Variants in MESD observed in about 807,000 individuals in gnomAD.
The protein encoded by MESD is LRP chaperone MESD.
MESD carries 7 observed loss-of-function variants against 12.9 expected under a neutral mutation model. That is an observed-to-expected ratio of 0.54 (90% CI 0.31 to 1.02). The LOEUF is 1.02. Ranked by LOEUF, MESD falls within the 50% of genes least tolerant of loss-of-function variation. The pLI, the probability that MESD is intolerant of heterozygous loss-of-function variation, is 0.05. For missense variants in MESD, 342 were observed against 296.7 expected (o/e 1.15, Z -1.12); for synonymous variants, 126 against 115.6 (o/e 1.09, Z -0.58).
rs569260846 is a variant in MESD, at chr15:80,956,114, T to C, written c.*289-3818A>G. Among the ~76,000 whole-genome samples, 485 of 152,100 alleles carry C rather than the reference T, an allele frequency of 3.2e-3. 3 individuals are homozygous for C. The highest frequency in any genetic ancestry group is 0.011 in the African/African-American group (458 of 41,490). ...CTGAGGTGGGAGGATCACTTGAGCC[T>C]GGAAGGTAGAGTCTGTGGTGAGCCG... On this transcript the variant is annotated intron_variant, in intron 3 of 4. Coordinates refer to the MESD transcript ENST00000561312.
intron 3 of MESD, among the ~76,000 whole-genome samples, chr15:80,964,630 G>T (rs1020783040): frequency 1.3e-5 from 2 of 152,146 alleles, no homozygotes; most frequent in Non-Finnish European, 2.9e-5. Flanking sequence ...ATAAACCAAT[G>T]AAACAGAACA....
chr15:80,955,638 T>A lies in MESD; in HGVS notation c.*289-3342A>T, dbSNP rs866767783. On this transcript the variant is annotated intron_variant, in intron 3 of 4. Transcript: ENST00000561312. ...GTGCGTGTGTGTGTGTGTGTGTGTG[T>A]GAGAGAGACAGAGTCTCTTTAGCCC... Among the ~76,000 whole-genome samples, 1,278 of 150,384 alleles carry A rather than the reference T, an allele frequency of 8.5e-3. 20 individuals carry two copies. The highest frequency in any genetic ancestry group is 0.029 in the African/African-American group (1,197 of 40,662).
downstream of MESD, among the ~76,000 whole-genome samples, chr15:80,974,727 G>C (rs920895008): frequency 6.8e-6 from 1 of 146,238 alleles, no homozygotes; most frequent in Non-Finnish European, 1.5e-5. Flanking sequence ...GCATGCTCTA[G>C]AAGGATTAAG....
chr15:80,958,022 T>C (rs79955984), intron 3 of MESD, among the ~76,000 whole-genome samples: 2,940 of 152,284 alleles, frequency 0.019, 103 homozygotes, highest in African/African-American at 0.067. Context: ...GTCAAGTGGA[T>C]ACATAAAATT....
chr15:80,947,114 A>C (rs1354494491), downstream of MESD: 2 of 1,220,230 alleles, frequency 1.6e-6, no homozygotes, highest in Admixed American at 3.5e-5. Context: ...CAGAGAAGGC[A>C]AATGCCTGGC....
At chr15:80,952,894 C>T (rs1901876730) in intron 3 of MESD, 1 of 450,852 alleles carries the variant, frequency 2.2e-6, no homozygotes, top group Admixed American at 2.4e-5. Context: ...GCACGGTGCA[C>T]ACAGAGGAAC....
At chr15:80,986,767 G>A (rs1902745397) in intron 1 of MESD, among the ~76,000 whole-genome samples, 1 of 152,186 alleles carries the variant, frequency 6.6e-6, no homozygotes, top group Non-Finnish European at 1.5e-5. Context: ...TGGCTTTAGA[G>A]CTCCTTCATT....
intron 3 of MESD, among the ~76,000 whole-genome samples, chr15:80,959,724 G>T (rs1434661771): frequency 1.3e-5 from 2 of 152,162 alleles, no homozygotes; most frequent in African/African-American, 4.8e-5. Flanking sequence ...GAGCCAGCAG[G>T]AATAGGAAGA....
At chr15:80,983,818 A>G (rs1363325805) in intron 1 of MESD, among the ~76,000 whole-genome samples, 1 of 151,898 alleles carries the variant, frequency 6.6e-6, no homozygotes, top group East Asian at 1.9e-4. Context: ...TATGACTTAC[A>G]ACCCCTCAAA....
At chr15:80,949,088 C>T in intron 4 of MESD, 1 of 870,840 alleles carries the variant, frequency 1.1e-6, no homozygotes, top group South Asian at 1.4e-5. Context: ...GACCCTGGTG[C>T]TGCCACCTGC....
intron 3 of MESD, among the ~76,000 whole-genome samples, chr15:80,953,356 G>A (rs574766759): frequency 4.6e-5 from 7 of 152,304 alleles, no homozygotes; most frequent in East Asian, 1.9e-4. Flanking sequence ...ACGAGGAACC[G>A]TCGAGCAATG....
At chr15:80,973,709 C>T (rs1474122802), downstream of MESD, among the ~76,000 whole-genome samples, 4 of 152,138 alleles carry the variant, frequency 2.6e-5, no homozygotes, top group Admixed American at 1.3e-4. Context: ...TTCACCCCCT[C>T]GACAGATCCT....
chr15:80,946,885 C>A, downstream of MESD: 1 of 937,914 alleles, frequency 1.1e-6, no homozygotes. Context: ...TCCCACCATG[C>A]ACAAACCAAC....
chr15:80,985,280 A>G lies in MESD; in HGVS notation c.214-3098T>C, dbSNP rs147495195. ...AAATAACTTTCCTTACCTATAATGG[A>G]AAGCTGAGGGTAATAACAGCTTCTC... is the stretch of plus-strand genomic sequence containing the variant. On this transcript the variant is annotated intron_variant, in intron 1 of 2. Transcript: ENST00000261758. Among the ~76,000 whole-genome samples the G allele has an allele frequency of 2.1e-3, 325 of 152,324 alleles. 1 individual carries two copies. The highest frequency in any genetic ancestry group is 7.2e-3 in the African/African-American group (301 of 41,572).
At chr15:80,965,554 A>T (rs1902160883) in intron 3 of MESD, among the ~76,000 whole-genome samples, 3 of 152,238 alleles carry the variant, frequency 2.0e-5, no homozygotes, top group Admixed American at 2.0e-4. Context: ...GAACCAACCC[A>T]AATGTCCATC....
chr15:80,989,427 T>A, intron 1 of MESD, 152 bp downstream of exon 1: 1 of 919,110 alleles, frequency 1.1e-6, no homozygotes, highest in Non-Finnish European at 1.6e-6. Flanking sequence ...GAATGGAGGG[T>A]CAACAGTGGC....
intron 1 of MESD, 23 bp downstream of exon 1, chr15:80,989,556 G>C (rs776532860): frequency 1.3e-5 from 21 of 1,608,848 alleles, no homozygotes; most frequent in East Asian, 4.5e-5. Context: ...GAAGAGCCGG[G>C]AGGGTGTGCG....
intron 3 of MESD, among the ~76,000 whole-genome samples, chr15:80,966,794 C>A (rs1159309721): frequency 1.3e-5 from 2 of 152,212 alleles, no homozygotes; most frequent in Non-Finnish European, 2.9e-5. Flanking sequence ...TTCTTCCATA[C>A]CCTGCTGCCT....
chr15:80,947,138 T>C (rs1901592159), downstream of MESD: 1 of 961,790 alleles, frequency 1.0e-6, no homozygotes, highest in South Asian at 1.3e-5. Context: ...GAGGGTGCTG[T>C]CATCTTTTGC....
Sources: allele counts gnomAD v4.1 joint callset (sites outside exome capture counted in the v4.1 genomes callset), GRCh38; gene constraint gnomAD v4.1.1; transcripts MANE v1.5; gene names NCBI Gene and HGNC (gene_info 2026-07-23, HGNC 2026-07-21).